The following PRKN variants were observed in gnomAD, a reference collection of about 807,000 sequenced individuals.
PRKN encodes E3 ubiquitin-protein ligase parkin.
In PRKN, 56 loss-of-function variants were observed where a neutral mutation model predicts 59.5. That is an observed-to-expected ratio of 0.94 (90% CI 0.76 to 1.18). PRKN has a LOEUF of 1.18. PRKN is among the 50% of genes most tolerant of loss of function. The probability of loss-of-function intolerance (pLI) is 0.00; values close to 1 mark genes in which losing one functional copy is unlikely to be tolerated. For synonymous variants in PRKN, 250 were observed against 222.1 expected (o/e 1.13, Z -1.12); for missense variants, 657 against 596.4 (o/e 1.10, Z -1.06).
chr6:162,283,765 C>T (rs1023560122), intron 2 of PRKN, among the ~76,000 whole-genome samples: 6 of 152,104 alleles, frequency 3.9e-5, no homozygotes, highest in African/African-American at 1.4e-4. Context: ...AAGTGATTCA[C>T]CCACCTCAGC....
In PRKN at chr6:161,363,103, G is replaced by A. The variant is rs563387011; in HGVS notation, c.1168-2898C>T. 5.3e-5 allele frequency among the ~76,000 whole-genome samples: 8 copies of A among 152,170 alleles called. No homozygotes were observed. The highest frequency in any genetic ancestry group is 4.1e-4 in the South Asian group (2 of 4,826). ...CTAAAAACACAACGATTAGCCAAGC[G>A]TGGTGGTGTGCACCTGTAGTCCCAG... On this transcript the variant is annotated intron_variant, in intron 10 of 11. Coordinates refer to ENST00000366898, the MANE Select transcript of PRKN (RefSeq NM_004562.3). This position sits in a 1 kb window ranked among gnomAD's most constrained non-coding sequence, Gnocchi z 4.1.
At chr6:162,725,774 A>G (rs1270687585) in intron 1 of PRKN, among the ~76,000 whole-genome samples, 1 of 149,942 alleles carries the variant, frequency 6.7e-6, no homozygotes, top group African/African-American at 2.4e-5. Flanking sequence ...AAAAGAGGAA[A>G]AAAAAAAAAA....
intron 4 of PRKN, among the ~76,000 whole-genome samples, chr6:162,059,742 G>A (rs1454672675): frequency 2.6e-5 from 4 of 151,974 alleles, no homozygotes; most frequent in East Asian, 3.9e-4. Flanking sequence ...TTTAGAGAAC[G>A]TTCTCTTTTT....
intron 7 of PRKN, among the ~76,000 whole-genome samples, chr6:161,719,480 T>C (rs1295179845): frequency 6.6e-6 from 1 of 152,166 alleles, no homozygotes; most frequent in Admixed American, 6.5e-5. Context: ...AGCTTTCTTG[T>C]CTGCAACACT....
chr6:161,659,300 C>T (rs1784462064), intron 7 of PRKN, among the ~76,000 whole-genome samples: 1 of 152,110 alleles, frequency 6.6e-6, no homozygotes, highest in African/African-American at 2.4e-5. Flanking sequence ...TAATTCTTTT[C>T]TTAATATAGG....
At chr6:162,498,343 T>C (rs1053943060) in intron 1 of PRKN, among the ~76,000 whole-genome samples, 12 of 149,896 alleles carry the variant, frequency 8.0e-5, no homozygotes, top group African/African-American at 2.9e-4. Context: ...GATGTCTATC[T>C]AGTCTACGTA....
At chr6:161,864,868 G>A (rs1184814680) in intron 6 of PRKN, among the ~76,000 whole-genome samples, 1 of 151,986 alleles carries the variant, frequency 6.6e-6, no homozygotes, top group Non-Finnish European at 1.5e-5. Flanking sequence ...GTTGGCCAGA[G>A]TGGTCTCAAA....
At chr6:162,379,731 C>T (rs973716976) in intron 2 of PRKN, among the ~76,000 whole-genome samples, 11 of 152,268 alleles carry the variant, frequency 7.2e-5, no homozygotes, top group African/African-American at 2.6e-4. Context: ...ATATTATCCT[C>T]CATTATGATT....
chr6:161,651,735 C>T (rs566378969), intron 7 of PRKN, among the ~76,000 whole-genome samples: 1 of 152,256 alleles, frequency 6.6e-6, no homozygotes, highest in East Asian at 1.9e-4. Context: ...TTTTAAAGTT[C>T]ATTTCTAAAC....
Position 162,345,711 on chromosome 6 carries a change from C to T in PRKN, c.172-82946G>A, listed in dbSNP as rs959363526. Among the ~76,000 whole-genome samples, 4 of 152,228 alleles carry T rather than the reference C, an allele frequency of 2.6e-5. No individual in the cohort carries two copies. In the South Asian group the frequency reaches 6.2e-4, roughly 24 times the overall value. ...TTCAGTATGCTGAATTTTTATTCAG[C>T]AAAGTTATACATTCTCTTATGAATT... On this transcript the variant is annotated intron_variant, in intron 2 of 11. Transcript: ENST00000366898.
chr6:161,654,768 G>A (rs937283446), intron 7 of PRKN, among the ~76,000 whole-genome samples: 1 of 152,160 alleles, frequency 6.6e-6, no homozygotes, highest in Non-Finnish European at 1.5e-5. Flanking sequence ...TCCCACGGAG[G>A]CATGGCTTCC....
rs1475911081 is a variant in PRKN, at chr6:161,576,279, T to G, written c.872-6863A>C. Among the ~76,000 whole-genome samples the G allele has an allele frequency of 2.0e-5, 3 of 152,238 alleles. No individual in the cohort carries two copies. The highest frequency in any genetic ancestry group is 7.2e-5 in the African/African-American group (3 of 41,470). The stretch of plus-strand genomic sequence containing the variant: ...TGATGGGTTTTTATTTATAAAGGAT[T>G]ATTCATGCATTCTTTCTCCGTAGCC... On this transcript the variant is annotated intron_variant, in intron 7 of 11. Transcript: ENST00000366898. The surrounding 1 kb of genome is among the most constrained non-coding windows in gnomAD (Gnocchi z 4.6).
chr6:161,871,471 T>C (rs904472759), intron 6 of PRKN, among the ~76,000 whole-genome samples: 3 of 152,198 alleles, frequency 2.0e-5, no homozygotes, highest in Non-Finnish European at 4.4e-5. Flanking sequence ...GTGCAGTTTT[T>C]AGACATTATT....
intron 1 of PRKN, among the ~76,000 whole-genome samples, chr6:162,546,532 C>G (rs946076136): frequency 3.9e-5 from 6 of 151,924 alleles, no homozygotes; most frequent in Admixed American, 3.3e-4. Flanking sequence ...CAACCTCCCC[C>G]TCTTGGGTTC....
intron 9 of PRKN, among the ~76,000 whole-genome samples, chr6:161,494,905 C>T (rs1777686625): frequency 1.3e-5 from 2 of 152,188 alleles, no homozygotes; most frequent in African/African-American, 4.8e-5. Context: ...CTCTCCCTTG[C>T]TCCGCCTTGA....
intron 4 of PRKN, among the ~76,000 whole-genome samples, chr6:162,101,395 G>A (rs1779963064): frequency 6.6e-6 from 1 of 151,672 alleles, no homozygotes; most frequent in Non-Finnish European, 1.5e-5. Flanking sequence ...TGGGCCAGGC[G>A]CGGTGGCTCA....
In PRKN at chr6:161,484,950, C is replaced by A. The variant is rs1791583113; in HGVS notation, c.1083+63904G>T. Among the ~76,000 whole-genome samples the A allele has an allele frequency of 6.6e-6, 1 of 152,164 alleles. No homozygotes were observed. Among genetic ancestry groups the A allele is most frequent in the Admixed American group, 6.5e-5 (1 of 15,278 alleles). On this transcript the variant is annotated intron_variant, in intron 9 of 11. Transcript: ENST00000366898. The surrounding 1 kb of genome is among the most constrained non-coding windows in gnomAD (Gnocchi z 4.9). ...CCTGCCTTTGCTGCCGCCGGCTTCCCCCTGCTTCTTTGAGGCAAAAATCAG... is the reference window on the plus strand; with the variant it reads ...CCTGCCTTTGCTGCCGCCGGCTTCCACCTGCTTCTTTGAGGCAAAAATCAG...
intron 6 of PRKN, among the ~76,000 whole-genome samples, chr6:161,875,335 A>T (rs1312652858): frequency 6.6e-6 from 1 of 150,912 alleles, no homozygotes; most frequent in Non-Finnish European, 1.5e-5. Flanking sequence ...CTGGGATTAC[A>T]TGTGCGAGCC....
chr6:161,585,411 T>C (rs1781485753), intron 7 of PRKN, among the ~76,000 whole-genome samples: 1 of 152,170 alleles, frequency 6.6e-6, no homozygotes, highest in East Asian at 1.9e-4. Context: ...AAATAATCAG[T>C]ATTAGTAGAT....
Sources: gnomAD v4.1 joint callset for allele counts (sites outside exome capture counted in the v4.1 genomes callset) on GRCh38, gnomAD v4.1.1 for gene constraint, Gnocchi (gnomAD v3.1) non-coding constraint, MANE v1.5 for transcripts, NCBI Gene and HGNC (gene_info 2026-07-23, HGNC 2026-07-21) for gene names.